Variants in CR1L observed in about 807,000 individuals in gnomAD.
The protein encoded by CR1L is complement C3b/C4b receptor 1 like, also known as complement component receptor 1-like protein.
In CR1L, 59 loss-of-function variants were observed where a neutral mutation model predicts 62.3. The observed-to-expected ratio is 0.95, with a 90% CI of 0.77 to 1.18. CR1L has a LOEUF of 1.18. Among genes scored for constraint, CR1L ranks in the 50% most tolerant of loss-of-function variants. The pLI, the probability that CR1L is intolerant of heterozygous loss-of-function variation, is 0.00. For missense variants in CR1L, 700 were observed against 702.8 expected (o/e 1.00, Z 0.04); for synonymous variants, 279 against 248.7 (o/e 1.12, Z -1.15).
At chr1:207,708,677 A>G (rs74152375) in intron 10 of CR1L, among the ~76,000 whole-genome samples, 1 of 152,334 alleles carries the variant, frequency 6.6e-6, no homozygotes, top group East Asian at 1.9e-4. Flanking sequence ...TTCTTTGTCT[A>G]AACAGGATCA....
chr1:207,684,766 T>C (rs879190445), intron 4 of CR1L, among the ~76,000 whole-genome samples: 2 of 149,092 alleles, frequency 1.3e-5, no homozygotes, highest in Admixed American at 6.6e-5. Context: ...CAAGATCTCA[T>C]TTTATTAAAA....
At chr1:207,722,665 C>T (rs541974237) in intron 11 of CR1L, among the ~76,000 whole-genome samples, 62 of 151,992 alleles carry the variant, frequency 4.1e-4, no homozygotes, top group African/African-American at 1.2e-3. Flanking sequence ...ATTAAATTAA[C>T]GACAAACAGG....
chr1:207,649,943 A>T (rs1265613769), intron 1 of CR1L, among the ~76,000 whole-genome samples: 1 of 152,174 alleles, frequency 6.6e-6, no homozygotes, highest in Non-Finnish European at 1.5e-5. Flanking sequence ...CTTGAATGAA[A>T]AGTAAAGGAT....
rs762342437 is a variant in CR1L at position 207,680,578 on chromosome 1, G to GGAT, written c.377+2281_377+2282insGAT. 1.4e-4 allele frequency among the ~76,000 whole-genome samples: 21 copies of GGAT among 151,912 alleles called. No individual in the cohort carries two copies. In the East Asian group the frequency reaches 3.3e-3, roughly 24 times the overall value. ...TTAAGTTACTACTAAATTTCCAAGG[G>GGAT]CATGGGCTTCCTACCAAAGAATTGT... On this transcript the variant is annotated intron_variant, in intron 3 of 11. Transcript: ENST00000508064.
chr1:207,648,367 A>G, intron 1 of CR1L, among the ~76,000 whole-genome samples: 1 of 152,084 alleles, frequency 6.6e-6, no homozygotes, highest in Admixed American at 6.6e-5. Context: ...GTTAAGTTTG[A>G]GGTTGATAGG....
At chr1:207,689,369 G>A (rs1330480026) in intron 4 of CR1L, among the ~76,000 whole-genome samples, 1 of 151,946 alleles carries the variant, frequency 6.6e-6, no homozygotes, top group African/African-American at 2.4e-5. Flanking sequence ...ATGTGTGTGA[G>A]TGTGTGTGTG....
chr1:207,662,266 C>T (rs1385719270), intron 1 of CR1L, among the ~76,000 whole-genome samples: 1 of 152,228 alleles, frequency 6.6e-6, no homozygotes, highest in African/African-American at 2.4e-5. Flanking sequence ...CCATTCTCCC[C>T]ATCACTTTCA....
rs747570485 is a variant in CR1L, at chr1:207,678,290, C to T, written c.370C>T (p.Pro124Ser). Residue 124 changes from proline (P) to serine (S), a missense_variant, in exon 3 of 12, where the codon CCT becomes TCT. Pro to Ser is a moderately conservative substitution (Grantham distance 74). Coordinates refer to ENST00000508064, the MANE Select transcript of CR1L (RefSeq NM_175710.2). Reference sequence around the variant, plus strand: ...CAGATCCCAAATTAAATATTCTTGTCCTAAAGGGTGAGTTGGCATCTCTTG... The same window carrying T: ...CAGATCCCAAATTAAATATTCTTGTTCTAAAGGGTGAGTTGGCATCTCTTG... ...QFRSQIKYSC[P>S]KGYRLIGSSS... 6.2e-7 allele frequency: 1 copy of T among 1,612,730 alleles called. No individual in the cohort carries two copies. The highest frequency in any genetic ancestry group is 1.3e-5 in the African/African-American group (1 of 74,882).
At chr1:207,684,817 A>G (rs1241464928) in intron 4 of CR1L, among the ~76,000 whole-genome samples, 2 of 152,222 alleles carry the variant, frequency 1.3e-5, no homozygotes, top group African/African-American at 2.4e-5. Flanking sequence ...TGAGGCTGAG[A>G]GAAATGCAGT....
rs1207997048 is a variant in CR1L at position 207,671,607 on chromosome 1, T to C, written c.98-5782T>C. On this transcript the variant is annotated intron_variant, in intron 1 of 11. Coordinates refer to ENST00000508064, the MANE Select transcript of CR1L (RefSeq NM_175710.2). ...TGATATGCCAGTAAGGAAGAGTGAA[T>C]TGCATCATATAAAATGCTCAGTTAA... is the stretch of plus-strand genomic sequence containing the variant. 2.0e-5 allele frequency among the ~76,000 whole-genome samples: 3 copies of C among 150,832 alleles called. 1 individual carries two copies. Among genetic ancestry groups the C allele is most frequent in the African/African-American group, 7.5e-5 (3 of 40,196 alleles).
intron 1 of CR1L, among the ~76,000 whole-genome samples, chr1:207,675,649 C>G (rs908277688): frequency 1.3e-5 from 2 of 152,132 alleles, no homozygotes; most frequent in African/African-American, 4.8e-5. Context: ...TGACCTCTGG[C>G]CTCAATCTAC....
intron 10 of CR1L, among the ~76,000 whole-genome samples, chr1:207,715,822 A>C (rs1653985871): frequency 6.6e-6 from 1 of 151,978 alleles, no homozygotes; most frequent in Non-Finnish European, 1.5e-5. Context: ...TCAGCCTCCC[A>C]GTAGTTGGGA....
chr1:207,673,122 A>AT (rs1663638914), intron 1 of CR1L, among the ~76,000 whole-genome samples: 1 of 152,214 alleles, frequency 6.6e-6, no homozygotes, highest in Admixed American at 6.5e-5. Flanking sequence ...AAACCAAAAA[A>AT]TCTAGAAAGT....
intron 10 of CR1L, among the ~76,000 whole-genome samples, chr1:207,713,241 T>C (rs1571536586): frequency 6.6e-6 from 1 of 152,156 alleles, no homozygotes; most frequent in East Asian, 1.9e-4. Flanking sequence ...AACATAATTT[T>C]ATAAAATGTG....
chr1:207,662,049 C>A (rs1329170513), intron 1 of CR1L, among the ~76,000 whole-genome samples: 2 of 152,192 alleles, frequency 1.3e-5, no homozygotes, highest in Non-Finnish European at 2.9e-5. Flanking sequence ...TTGTGGGTAA[C>A]CCGACCTTTC....
At chr1:207,655,129 T>G (rs1032863840) in intron 1 of CR1L, 1 of 409,288 alleles carries the variant, frequency 2.4e-6, no homozygotes, top group Non-Finnish European at 4.7e-6. Context: ...AAAAGTTCCT[T>G]CATTATTATG....
intron 3 of CR1L, 135 bp from the exon 4 acceptor site, chr1:207,683,737 G>T: frequency 1.4e-6 from 1 of 699,864 alleles, no homozygotes. Context: ...AATTTGGGAA[G>T]GTGATAGACA....
At chr1:207,683,169 C>T (rs1663832630) in intron 3 of CR1L, among the ~76,000 whole-genome samples, 3 of 150,820 alleles carry the variant, frequency 2.0e-5, no homozygotes, top group Non-Finnish European at 4.4e-5. Flanking sequence ...CAAGGTCTTG[C>T]TTTATTGCCC....
At chr1:207,709,483 A>T (rs1664319318) in intron 10 of CR1L, among the ~76,000 whole-genome samples, 1 of 152,206 alleles carries the variant, frequency 6.6e-6, no homozygotes, top group Admixed American at 6.5e-5. Flanking sequence ...TATAGAGAGA[A>T]CTAAATTAAT....
Sources: gnomAD v4.1 joint callset for allele counts (sites outside exome capture counted in the v4.1 genomes callset) on GRCh38, gnomAD v4.1.1 for gene constraint, MANE v1.5 for transcripts, NCBI Gene and HGNC (gene_info 2026-07-23, HGNC 2026-07-21) for gene names.